The following MLIP variants were observed in gnomAD, a reference collection of about 807,000 sequenced individuals.
The protein encoded by MLIP is muscular LMNA-interacting protein.
A neutral mutation model predicts 84.8 loss-of-function variants in MLIP; 79 were observed. That is an observed-to-expected ratio of 0.93 (90% confidence interval 0.78 to 1.12). The LOEUF (loss-of-function observed/expected upper bound fraction) is 1.12, where lower values mean the gene tolerates loss of function less well. Among genes scored for constraint, MLIP ranks in the 50% most tolerant of loss-of-function variants. MLIP has a pLI of 0.00. For missense variants in MLIP, 1,257 were observed against 1,160.6 expected (o/e 1.08, Z -1.21); for synonymous variants, 504 against 463.0 (o/e 1.09, Z -1.14).
intron 1 of MLIP, among the ~76,000 whole-genome samples, chr6:54,037,229 T>G (rs1561882724): frequency 1.3e-5 from 2 of 152,100 alleles, no homozygotes; most frequent in East Asian, 3.9e-4. Context: ...TCTACAACCC[T>G]AAGAAGACAG....
Position 54,137,704 on chromosome 6 carries a change from C to A in MLIP, c.1635C>A (p.Ser545=). 1 of 1,536,102 alleles carries A rather than the reference C, an allele frequency of 6.5e-7. No individual in the cohort carries two copies. The highest frequency in any genetic ancestry group is 1.2e-5 in the South Asian group (1 of 84,068). The change falls in exon 4 of 14, where the codon TCC becomes TCA. Residue 545 remains serine, a synonymous_variant. Coordinates refer to ENST00000502396, the MANE Select transcript of MLIP (RefSeq NM_001281747.2). ...TMLSLLQTST[S]SSVGLPPVPP... The stretch of plus-strand genomic sequence containing the variant: ...TCTCCCTGCTACAAACCAGTACATC[C>A]AGTTCTGTGGGTCTTCCTCCTGTTC...
chr6:54,147,583 G>A (rs571479731), intron 4 of MLIP, among the ~76,000 whole-genome samples: 66 of 152,128 alleles, frequency 4.3e-4, no homozygotes, highest in Admixed American at 1.2e-3. Flanking sequence ...AGGGAGAAGA[G>A]CTATATGGAG....
At chr6:54,193,041 C>A (rs1395209913) in intron 10 of MLIP, among the ~76,000 whole-genome samples, 1 of 152,022 alleles carries the variant, frequency 6.6e-6, no homozygotes, top group Non-Finnish European at 1.5e-5. Flanking sequence ...TGCAAGTGTG[C>A]CAATTCAGAA....
At chr6:54,263,082 G>A (rs986309252) in intron 13 of MLIP, among the ~76,000 whole-genome samples, 4 of 152,144 alleles carry the variant, frequency 2.6e-5, no homozygotes, top group African/African-American at 9.6e-5. Flanking sequence ...GTGAGTCATT[G>A]TCAAGTTGAG....
At chr6:54,218,310 A>T (rs1410185798) in intron 11 of MLIP, among the ~76,000 whole-genome samples, 1 of 152,192 alleles carries the variant, frequency 6.6e-6, no homozygotes, top group East Asian at 1.9e-4. Flanking sequence ...ACACAATGGT[A>T]AGTATTTGTG....
At chr6:54,053,094 C>G (rs1211975797) in intron 1 of MLIP, among the ~76,000 whole-genome samples, 1 of 152,138 alleles carries the variant, frequency 6.6e-6, no homozygotes, top group Non-Finnish European at 1.5e-5. Context: ...AATGAAAGGA[C>G]CTAAGACTAA....
At chr6:54,028,597 T>G (rs976765009) in intron 1 of MLIP, among the ~76,000 whole-genome samples, 21 of 152,222 alleles carry the variant, frequency 1.4e-4, no homozygotes, top group Non-Finnish European at 2.6e-4. Flanking sequence ...TTTTTCCACT[T>G]GAACTCAGCT....
intron 1 of MLIP, among the ~76,000 whole-genome samples, chr6:54,060,435 A>C (rs1490165373): frequency 6.6e-6 from 1 of 152,180 alleles, no homozygotes; most frequent in Non-Finnish European, 1.5e-5. Context: ...AATGTCTTCA[A>C]GGGGCTAGAG....
chr6:54,257,192 A>C, intron 12 of MLIP, 116 bp from the exon 13 acceptor site: 1 of 711,184 alleles, frequency 1.4e-6, no homozygotes, highest in South Asian at 1.8e-5. Flanking sequence ...GGTAGAATCC[A>C]CTGTTATCTG....
intron 11 of MLIP, chr6:54,203,887 G>C (rs1012571386): frequency 6.6e-6 from 1 of 152,278 alleles, no homozygotes; most frequent in Admixed American, 6.5e-5. Context: ...CGCCCGGCTG[G>C]CTTCAGTTTC....
At chr6:54,120,236 T>A (rs589208) in intron 1 of MLIP, among the ~76,000 whole-genome samples, 61,290 of 113,988 alleles carry the variant, frequency 0.54, 12,984 homozygotes, top group Admixed American at 0.62. Context: ...GACTTCTTTT[T>A]TTTATTTTTT....
At chr6:54,103,753 A>G (rs1163081519) in intron 1 of MLIP, among the ~76,000 whole-genome samples, 1 of 152,170 alleles carries the variant, frequency 6.6e-6, no homozygotes, top group Non-Finnish European at 1.5e-5. Context: ...TAAATATGAA[A>G]CATGTATCGT....
At chr6:54,120,836 T>G (rs1770388872) in intron 1 of MLIP, among the ~76,000 whole-genome samples, 1 of 152,156 alleles carries the variant, frequency 6.6e-6, no homozygotes, top group African/African-American at 2.4e-5. Flanking sequence ...GTCTACTGAC[T>G]GTTTCCTGTT....
intron 5 of MLIP, among the ~76,000 whole-genome samples, chr6:54,157,906 T>A (rs1446942056): frequency 3.3e-5 from 5 of 152,150 alleles, no homozygotes; most frequent in African/African-American, 1.2e-4. Flanking sequence ...TATTAGATTA[T>A]CATAACCAAC....
chr6:54,043,569 T>C (rs1764868656), intron 1 of MLIP: 1 of 152,284 alleles, frequency 6.6e-6, no homozygotes. Flanking sequence ...GCCAAGTATG[T>C]TCTCTACCCA....
chr6:54,116,448 T>C (rs896967824), intron 1 of MLIP, among the ~76,000 whole-genome samples: 1 of 152,306 alleles, frequency 6.6e-6, no homozygotes, highest in Non-Finnish European at 1.5e-5. Context: ...CAAAGTATCA[T>C]AGAACACTAC....
intron 10 of MLIP, among the ~76,000 whole-genome samples, chr6:54,201,387 G>C (rs1345457477): frequency 6.6e-6 from 1 of 152,190 alleles, no homozygotes; most frequent in Non-Finnish European, 1.5e-5. Flanking sequence ...GTCAATTCTG[G>C]AAAGCCCTCT....
upstream of MLIP, among the ~76,000 whole-genome samples, chr6:54,107,924 C>T (rs1384022010): frequency 1.3e-5 from 2 of 152,294 alleles, no homozygotes; most frequent in Admixed American, 6.5e-5. Flanking sequence ...TCTGTTTAAT[C>T]ACTTACATGT....
chr6:54,251,464 A>ATC (rs2150869953), intron 12 of MLIP, among the ~76,000 whole-genome samples: 1 of 129,416 alleles, frequency 7.7e-6, no homozygotes, highest in South Asian at 2.3e-4. Context: ...ATATATATAT[A>ATC]TATCTGTCTC....
Sources: gnomAD v4.1 joint callset for allele counts (sites outside exome capture counted in the v4.1 genomes callset) on GRCh38, gnomAD v4.1.1 for gene constraint, MANE v1.5 for transcripts, NCBI Gene and HGNC (gene_info 2026-07-23, HGNC 2026-07-21) for gene names.